Variants in PLEKHA7 observed in about 807,000 individuals in gnomAD.
PLEKHA7 encodes pleckstrin homology domain-containing family A member 7.
A neutral mutation model predicts 170.0 loss-of-function variants in PLEKHA7; 104 were observed. That is an observed-to-expected ratio of 0.61 (90% CI 0.52 to 0.72). The LOEUF is 0.72. Among genes scored for constraint, PLEKHA7 ranks in the 30% least tolerant of loss-of-function variants. The pLI is 0.00. For missense variants in PLEKHA7, 1,615 were observed against 1,671.7 expected (o/e 0.97, Z 0.59); for synonymous variants, 648 against 660.8 (o/e 0.98, Z 0.30).
chr11:16,845,340 A>C (rs1161519133), intron 8 of PLEKHA7, among the ~76,000 whole-genome samples: 2 of 151,966 alleles, frequency 1.3e-5, no homozygotes, highest in African/African-American at 4.8e-5. Context: ...ACTATTAAAG[A>C]GTGTTTTGTT....
intron 13 of PLEKHA7, 40 bp downstream of exon 13, chr11:16,813,073 G>C: frequency 6.3e-7 from 1 of 1,586,186 alleles, no homozygotes; most frequent in African/African-American, 1.3e-5. Flanking sequence ...TCTCAGAAAG[G>C]TGAGTATGCA....
At chr11:16,875,357 T>TG (rs1188072763) in intron 3 of PLEKHA7, among the ~76,000 whole-genome samples, 1 of 152,044 alleles carries the variant, frequency 6.6e-6, no homozygotes, top group African/African-American at 2.4e-5. Context: ...TACTAAATTT[T>TG]TTTTTTTTTT....
chr11:16,779,992 A>T (rs955530717), intron 26 of PLEKHA7, among the ~76,000 whole-genome samples: 1 of 143,498 alleles, frequency 7.0e-6, no homozygotes, highest in Admixed American at 7.0e-5. Flanking sequence ...GGGGGGGGGA[A>T]TATCTTCATA....
rs1312815452 is a variant in PLEKHA7, at chr11:16,871,270, C to A, written c.222-88G>T. 5 of 1,036,998 alleles carry A rather than the reference C, an allele frequency of 4.8e-6. 1 individual carries two copies. The South Asian group carries it at 5.2e-5, about 11-fold the overall frequency. 64.2% of individuals were successfully genotyped at this position (1,036,998 alleles called of 1,614,324 possible). A position where few individuals can be genotyped will look rare whatever the true frequency, so the allele number is the denominator to read the frequency against. On this transcript the variant is annotated intron_variant, in intron 3 of 26. Transcript: ENST00000531066. ...GGTCAGTCAGCAATGTCTGGTGACCCTGGTCATCAAAGATTTCACAGGGGG... is the reference window on the plus strand; with the variant it reads ...GGTCAGTCAGCAATGTCTGGTGACCATGGTCATCAAAGATTTCACAGGGGG...
In PLEKHA7 at chr11:16,974,982, A is replaced by G. The variant is rs1421274655; in HGVS notation, c.221+39007T>C. On this transcript the variant is annotated intron_variant, in intron 3 of 26. Coordinates refer to ENST00000531066, the MANE Select transcript of PLEKHA7 (RefSeq NM_001329630.2). ...TTGGTGCTTGCCACACTTCTTACAG[A>G]AAGTCCGGCGGGTTTTAGGGACGTT... 6.7e-6 allele frequency: 5 copies of G among 740,786 alleles called. 2 individuals carry two copies. The African/African-American group carries it at 2.9e-4, about 43-fold the overall frequency. The allele number at this position is 740,786 out of a possible 1,614,324, so 45.9% of individuals were successfully genotyped here. A position where few individuals can be genotyped will look rare whatever the true frequency, so the allele number is the denominator to read the frequency against.
intron 13 of PLEKHA7, among the ~76,000 whole-genome samples, chr11:16,805,819 A>G (rs2134471689): frequency 6.6e-6 from 1 of 151,744 alleles, no homozygotes; most frequent in Middle Eastern, 3.4e-3. Flanking sequence ...AAAAACAAAA[A>G]CAAAAAAAAC....
At position 16,851,278 on chromosome 11, in the gene PLEKHA7, T is replaced by G. The variant is rs1199277467; in HGVS notation, c.609A>C (p.Glu203Asp). Residue 203 changes from glutamate (E) to aspartate (D), a missense_variant, in exon 8 of 27, where the codon GAA becomes GAC. Coordinates refer to ENST00000531066, the MANE Select transcript of PLEKHA7 (RefSeq NM_001329630.2). The part of the protein sequence containing the change: ...CLFYYKDSRE[E>D]AVLGSIPLPS... Reference sequence around the variant, plus strand: ...GCAAGGGGATGCTCCCGAGGACCGCTTCTTCTCGGCTGTCTTTGAATGGAA... The same window carrying G: ...GCAAGGGGATGCTCCCGAGGACCGCGTCTTCTCGGCTGTCTTTGAATGGAA... The G allele has an allele frequency of 1.2e-6, 2 of 1,610,710 alleles. No individual in the cohort carries two copies. Among genetic ancestry groups the G allele is most frequent in the Admixed American group, 3.4e-5 (2 of 59,678 alleles).
At chr11:16,842,797 T>C (rs1391200412) in intron 8 of PLEKHA7, among the ~76,000 whole-genome samples, 1 of 152,166 alleles carries the variant, frequency 6.6e-6, no homozygotes, top group African/African-American at 2.4e-5. Flanking sequence ...ATTTACTGAG[T>C]ACCTACTATG....
chr11:16,996,926 A>G (rs1042401453), intron 3 of PLEKHA7, among the ~76,000 whole-genome samples: 1 of 150,942 alleles, frequency 6.6e-6, no homozygotes, highest in African/African-American at 2.4e-5. Context: ...ACACAGCAAG[A>G]CTCCGTCTCA....
At chr11:16,980,235 C>G (rs1462588251) in intron 3 of PLEKHA7, among the ~76,000 whole-genome samples, 1 of 152,216 alleles carries the variant, frequency 6.6e-6, no homozygotes, top group Admixed American at 6.5e-5. Flanking sequence ...TGAGCCCTCG[C>G]AGCATGTCAG....
intron 3 of PLEKHA7, among the ~76,000 whole-genome samples, chr11:16,976,781 G>T (rs7116057): frequency 0.96 from 146,348 of 152,326 alleles, 70,553 homozygotes; most frequent in Non-Finnish European, 1. Context: ...TGGTCTCATA[G>T]GACATTTACT....
At chr11:16,862,920 G>A (rs1242149411) in intron 4 of PLEKHA7, among the ~76,000 whole-genome samples, 1 of 151,548 alleles carries the variant, frequency 6.6e-6, no homozygotes, top group Non-Finnish European at 1.5e-5. Context: ...GCCCAAGACT[G>A]CCAGCATCTA....
At chr11:16,910,164 AAT>A (rs1228097809) in intron 3 of PLEKHA7, among the ~76,000 whole-genome samples, 4 of 152,262 alleles carry the variant, frequency 2.6e-5, no homozygotes, top group African/African-American at 9.6e-5. Flanking sequence ...AGCACCAATT[AAT>A]ATATGAGTAA....
intron 23 of PLEKHA7, 160 bp downstream of exon 23, chr11:16,788,936 G>A: frequency 1.1e-6 from 1 of 895,208 alleles, no homozygotes; most frequent in Non-Finnish European, 1.7e-6. Context: ...CATTCGTCCA[G>A]CCTGGGTCGT....
chr11:16,953,776 T>C (rs1861541607), intron 3 of PLEKHA7, among the ~76,000 whole-genome samples: 1 of 152,250 alleles, frequency 6.6e-6, no homozygotes, highest in African/African-American at 2.4e-5. Flanking sequence ...TGTTTATTTT[T>C]CTGTTCAAAC....
At chr11:16,968,835 A>G (rs1368590915) in intron 3 of PLEKHA7, among the ~76,000 whole-genome samples, 1 of 152,172 alleles carries the variant, frequency 6.6e-6, no homozygotes, top group African/African-American at 2.4e-5. Context: ...CAGACTTCTC[A>G]GGAACACGCT....
intron 3 of PLEKHA7, among the ~76,000 whole-genome samples, chr11:16,968,284 C>A (rs1298442696): frequency 6.6e-6 from 1 of 152,236 alleles, no homozygotes; most frequent in African/African-American, 2.4e-5. Flanking sequence ...CTGTTCCAGA[C>A]TCAGCTCTGG....
intron 24 of PLEKHA7, among the ~76,000 whole-genome samples, chr11:16,784,321 T>C (rs903090664): frequency 2.6e-5 from 4 of 152,326 alleles, no homozygotes; most frequent in Admixed American, 2.6e-4. Flanking sequence ...TCACTTTCCA[T>C]TCACCATTGT....
chr11:16,896,559 G>A (rs1857007072), intron 3 of PLEKHA7, among the ~76,000 whole-genome samples: 1 of 152,096 alleles, frequency 6.6e-6, no homozygotes, highest in South Asian at 2.1e-4. Flanking sequence ...CCACTCAGTA[G>A]AATGGCTGCA....
Sources: allele counts gnomAD v4.1 joint callset (sites outside exome capture counted in the v4.1 genomes callset), GRCh38; gene constraint gnomAD v4.1.1; transcripts MANE v1.5; gene names NCBI Gene and HGNC (gene_info 2026-07-23, HGNC 2026-07-21).